Variants in MAPK10 observed in about 807,000 individuals in gnomAD.
The protein encoded by MAPK10 is JNK3 alpha protein kinase.
In MAPK10, 25 loss-of-function variants were observed where a neutral mutation model predicts 59.3. The observed-to-expected ratio is 0.42, with a 90% confidence interval of 0.31 to 0.59. The LOEUF is 0.59. MAPK10 is among the 20% of genes least tolerant of loss of function. The pLI is 0.15. For synonymous variants in MAPK10, 190 were observed against 200.5 expected, an observed-to-expected ratio of 0.95 and a Z score of 0.44; for missense variants, 351 against 568.9, an observed-to-expected ratio of 0.62 and a Z score of 3.90.
chr4:86,192,538 T>C (rs2080184446), intron 3 of MAPK10: 1 of 152,016 alleles, frequency 6.6e-6, no homozygotes, highest in Non-Finnish European at 1.5e-5. Flanking sequence ...CAATCTCTGA[T>C]ATCCTTTCTT....
At chr4:86,045,575 T>C (rs936687661) in intron 11 of MAPK10, among the ~76,000 whole-genome samples, 5 of 152,040 alleles carry the variant, frequency 3.3e-5, no homozygotes, top group African/African-American at 9.7e-5. Context: ...CTGCAGACAG[T>C]GGCCCTTTGA....
chr4:86,436,952 C>G (rs1173224552), intron 1 of MAPK10, among the ~76,000 whole-genome samples: 1 of 152,078 alleles, frequency 6.6e-6, no homozygotes, highest in South Asian at 2.1e-4. Flanking sequence ...GTGGCTCATG[C>G]CTGTAATCCC....
intron 3 of MAPK10, chr4:86,164,597 AT>A: frequency 6.7e-6 from 1 of 149,164 alleles, no homozygotes; most frequent in Non-Finnish European, 1.5e-5. Context: ...TAGATAAGAT[AT>A]TTTTAGTGAG....
intron 2 of MAPK10, among the ~76,000 whole-genome samples, chr4:86,249,244 T>C (rs569725539): frequency 3.3e-5 from 5 of 152,292 alleles, no homozygotes; most frequent in African/African-American, 1.2e-4. Flanking sequence ...GAGCTTATTT[T>C]TATTGCTTCA....
chr4:86,543,377 A>G (rs1401444704), intron 1 of MAPK10, among the ~76,000 whole-genome samples: 1 of 152,178 alleles, frequency 6.6e-6, no homozygotes, highest in Non-Finnish European at 1.5e-5. Context: ...TCCCTGTAGT[A>G]TATGATGTCT....
At chr4:86,402,141 C>T (rs372081038) in intron 1 of MAPK10, among the ~76,000 whole-genome samples, 1 of 151,826 alleles carries the variant, frequency 6.6e-6, no homozygotes, top group African/African-American at 2.4e-5. Flanking sequence ...CACAGTAAGA[C>T]AATCTAAGTC....
At chr4:86,161,567 AT>A (rs2069658067) in intron 3 of MAPK10, among the ~76,000 whole-genome samples, 1 of 130,170 alleles carries the variant, frequency 7.7e-6, no homozygotes, top group Admixed American at 8.5e-5. Flanking sequence ...TATAACATGA[AT>A]TCATCTGTCA....
chr4:86,285,419 G>A (rs1466979681), intron 2 of MAPK10, among the ~76,000 whole-genome samples: 1 of 152,036 alleles, frequency 6.6e-6, no homozygotes, highest in East Asian at 1.9e-4. Flanking sequence ...GTTTCACCAT[G>A]TTGGTCAGGC....
chr4:86,110,886 T>C (rs1580429475), intron 4 of MAPK10, among the ~76,000 whole-genome samples: 2 of 152,200 alleles, frequency 1.3e-5, no homozygotes, highest in East Asian at 3.9e-4. Flanking sequence ...TTTTCATTTG[T>C]TTGTGTCCTG....
At chr4:86,298,117 A>G (rs1002266816) in intron 2 of MAPK10, among the ~76,000 whole-genome samples, 9 of 151,762 alleles carry the variant, frequency 5.9e-5, no homozygotes, top group Non-Finnish European at 1.3e-4. Context: ...GATGTCCATT[A>G]CTCTCTAGTC....
chr4:86,373,053 A>C (rs1009949769), intron 1 of MAPK10, among the ~76,000 whole-genome samples: 11 of 152,346 alleles, frequency 7.2e-5, no homozygotes, highest in Admixed American at 3.3e-4. Context: ...AGTGGTACCA[A>C]AACAGATATA....
intron 2 of MAPK10, among the ~76,000 whole-genome samples, chr4:86,349,658 T>C (rs750518786): frequency 6.6e-6 from 1 of 152,206 alleles, no homozygotes; most frequent in Non-Finnish European, 1.5e-5. Flanking sequence ...CAGGAGGAGA[T>C]AGAATCTTAT....
intron 1 of MAPK10, among the ~76,000 whole-genome samples, chr4:86,448,414 T>A (rs1257965415): frequency 6.6e-6 from 1 of 151,244 alleles, no homozygotes; most frequent in Admixed American, 6.6e-5. Flanking sequence ...TTTTTTTTTA[T>A]CTTAAATTTA....
At chr4:86,237,049 T>C (rs1364001884) in intron 2 of MAPK10, among the ~76,000 whole-genome samples, 2 of 152,012 alleles carry the variant, frequency 1.3e-5, no homozygotes, top group Non-Finnish European at 1.5e-5. Context: ...GTCCATGTTT[T>C]CTCCATGATC....
At chr4:86,480,819 G>A (rs1317986928) in intron 1 of MAPK10, among the ~76,000 whole-genome samples, 2 of 152,194 alleles carry the variant, frequency 1.3e-5, no homozygotes, top group Admixed American at 6.5e-5. Context: ...AGTGTTATGT[G>A]ACACAGGAGA....
chr4:86,180,160 A>C (rs921354702), intron 3 of MAPK10, among the ~76,000 whole-genome samples: 1 of 152,084 alleles, frequency 6.6e-6, no homozygotes, highest in African/African-American at 2.4e-5. Context: ...TGGATTATAA[A>C]ATAAACAAAT....
Position 86,175,719 on chromosome 4 carries a change from C to T in MAPK10, c.67-16252G>A, listed in dbSNP as rs563639923. On this transcript the variant is annotated intron_variant, in intron 3 of 13. Coordinates refer to ENST00000641462, the MANE Select transcript of MAPK10 (RefSeq NM_138982.4). ...ATGCTTCCTGTACAGCCTGCAGGAC[C>T]GTGAACCAATTAAATCTCTATTATT... Among the ~76,000 whole-genome samples the T allele has an allele frequency of 7.2e-5, 11 of 152,182 alleles. No individual in the cohort carries two copies. The South Asian group carries it at 1.2e-3, about 17-fold the overall frequency.
chr4:86,288,200 T>A (rs2095093306), intron 2 of MAPK10, among the ~76,000 whole-genome samples: 1 of 151,888 alleles, frequency 6.6e-6, no homozygotes, highest in African/African-American at 2.4e-5. Context: ...ATACTTTAAG[T>A]TTTAGGGTAC....
rs1359016108 is a variant in MAPK10, at chr4:86,012,491, G to A, written c.*4737C>T. On this transcript the variant is annotated 3_prime_UTR_variant, in exon 14 of 14. Coordinates refer to ENST00000641462, the MANE Select transcript of MAPK10 (RefSeq NM_138982.4). ...CTGGGTTTGGATTTGGTTTTATGTT[G>A]AGAGAAGCAGATTTCCTCTGATTTT... 1 of 152,174 alleles carries A rather than the reference G, an allele frequency of 6.6e-6. No individual in the cohort carries two copies. The highest frequency in any genetic ancestry group is 2.4e-5 in the African/African-American group (1 of 41,446). The allele number at this position is 152,174 out of a possible 1,614,324, so 9.4% of individuals were successfully genotyped here. A position where few individuals can be genotyped will look rare whatever the true frequency, so the allele number is the denominator to read the frequency against.
Sources: gnomAD v4.1 joint callset for allele counts (sites outside exome capture counted in the v4.1 genomes callset) on GRCh38, gnomAD v4.1.1 for gene constraint, MANE v1.5 for transcripts, NCBI Gene and HGNC (gene_info 2026-07-23, HGNC 2026-07-21) for gene names.